The following SORCS3 variants were observed in gnomAD, a reference collection of about 807,000 sequenced individuals.
The protein encoded by SORCS3 is sortilin related VPS10 domain containing receptor 3.
A neutral mutation model predicts 146.3 loss-of-function variants in SORCS3; 57 were observed. The ratio of observed to expected loss-of-function variants is 0.39; its 90% CI spans 0.31 to 0.49. The LOEUF is 0.49. SORCS3 is among the 20% of genes least tolerant of loss of function. The pLI, the probability that SORCS3 is intolerant of heterozygous loss-of-function variation, is 0.92. For missense variants in SORCS3, 1,341 were observed against 1,575.5 expected (o/e 0.85, Z 2.52); for synonymous variants, 653 against 618.5 (o/e 1.06, Z -0.83).
chr10:105,020,369 T>C (rs2055191460), intron 4 of SORCS3, among the ~76,000 whole-genome samples: 1 of 152,200 alleles, frequency 6.6e-6, no homozygotes. Flanking sequence ...CAGGATGAAC[T>C]ACAAGCTTAT....
intron 3 of SORCS3, among the ~76,000 whole-genome samples, chr10:104,924,924 A>C (rs1490594842): frequency 1.3e-5 from 2 of 152,178 alleles, no homozygotes; most frequent in African/African-American, 2.4e-5. Context: ...ATTTACTTTA[A>C]GTTCTGGGAT....
intron 26 of SORCS3, among the ~76,000 whole-genome samples, chr10:105,262,786 A>G (rs2056969779): frequency 1.3e-5 from 2 of 152,188 alleles, no homozygotes; most frequent in Admixed American, 6.5e-5. Flanking sequence ...AAAGTATTAT[A>G]TGTCCTTACT....
intron 2 of SORCS3, among the ~76,000 whole-genome samples, chr10:104,900,001 T>A (rs2018834425): frequency 1.3e-5 from 2 of 152,076 alleles, no homozygotes; most frequent in Non-Finnish European, 2.9e-5. Context: ...AGAGCCTCCC[T>A]GGGGATTAAG....
intron 20 of SORCS3, among the ~76,000 whole-genome samples, chr10:105,243,598 ACC>A (rs1378204980): frequency 6.6e-6 from 1 of 152,170 alleles, no homozygotes; most frequent in East Asian, 1.9e-4. Flanking sequence ...GTGTGTCATC[ACC>A]CAGTCATAAG....
intron 1 of SORCS3, among the ~76,000 whole-genome samples, chr10:104,769,413 C>T (rs749844036): frequency 6.6e-5 from 10 of 152,118 alleles, no homozygotes; most frequent in Non-Finnish European, 1.2e-4. Context: ...AGGAGATATC[C>T]GGAGGACCAC....
intron 1 of SORCS3, among the ~76,000 whole-genome samples, chr10:104,818,742 A>G (rs2017836645): frequency 6.6e-6 from 1 of 152,010 alleles, no homozygotes; most frequent in Admixed American, 6.6e-5. Context: ...TTTTCTGATT[A>G]TTATCAACCT....
chr10:104,685,915 A>G (rs2016038281), intron 1 of SORCS3, among the ~76,000 whole-genome samples: 2 of 152,096 alleles, frequency 1.3e-5, no homozygotes, highest in Non-Finnish European at 2.9e-5. Context: ...TTTTGCTTCT[A>G]TTCTGGGCTT....
chr10:104,931,380 C>G (rs999261265), intron 3 of SORCS3, among the ~76,000 whole-genome samples: 2 of 152,134 alleles, frequency 1.3e-5, no homozygotes, highest in Non-Finnish European at 2.9e-5. Flanking sequence ...GTTCAGTAAA[C>G]CTAGGATTTC....
At chr10:104,977,521 C>T in intron 4 of SORCS3, 28 bp downstream of exon 4, 11 of 1,567,118 alleles carry the variant, frequency 7.0e-6, no homozygotes, top group Non-Finnish European at 9.5e-6. Flanking sequence ...TCATTTACTT[C>T]TTGTCATCCA....
At chr10:104,867,972 T>A (rs936762373) in intron 2 of SORCS3, among the ~76,000 whole-genome samples, 2 of 152,248 alleles carry the variant, frequency 1.3e-5, no homozygotes, top group African/African-American at 4.8e-5. Flanking sequence ...GTGGTATTCA[T>A]CTTGTTTTAC....
intron 2 of SORCS3, among the ~76,000 whole-genome samples, chr10:104,886,748 G>T (rs2018692810): frequency 6.6e-6 from 1 of 152,124 alleles, no homozygotes; most frequent in East Asian, 1.9e-4. Context: ...TTGAAAGAAG[G>T]TGGGGAAAAT....
intron 6 of SORCS3, among the ~76,000 whole-genome samples, chr10:105,100,331 G>A (rs963858513): frequency 6.6e-6 from 1 of 152,016 alleles, no homozygotes; most frequent in Non-Finnish European, 1.5e-5. Flanking sequence ...TTTTACATAG[G>A]GATATCCAAA....
At chr10:104,847,297 C>T (rs1487578684) in intron 2 of SORCS3, among the ~76,000 whole-genome samples, 1 of 152,124 alleles carries the variant, frequency 6.6e-6, no homozygotes, top group Non-Finnish European at 1.5e-5. Context: ...GAACATATGT[C>T]CTGGTGAGGA....
At chr10:105,114,916 G>A (rs2055883239) in intron 7 of SORCS3, among the ~76,000 whole-genome samples, 1 of 152,130 alleles carries the variant, frequency 6.6e-6, no homozygotes, top group African/African-American at 2.4e-5. Context: ...ACATGTTGCT[G>A]TTAGTTTTAA....
intron 1 of SORCS3, among the ~76,000 whole-genome samples, chr10:104,820,826 G>T (rs1413816776): frequency 6.6e-6 from 1 of 152,186 alleles, no homozygotes; most frequent in Non-Finnish European, 1.5e-5. Flanking sequence ...ATGTTAGGAT[G>T]CATCAACAGT....
At chr10:104,717,772 T>C (rs933924262) in intron 1 of SORCS3, among the ~76,000 whole-genome samples, 1 of 152,210 alleles carries the variant, frequency 6.6e-6, no homozygotes, top group Non-Finnish European at 1.5e-5. Flanking sequence ...TGAATTATGT[T>C]AATCATAAGT....
chr10:105,171,003 T>G (rs1052078720), intron 13 of SORCS3, among the ~76,000 whole-genome samples: 1 of 152,104 alleles, frequency 6.6e-6, no homozygotes, highest in African/African-American at 2.4e-5. Flanking sequence ...CCATTTTCTG[T>G]CATAGATCTC....
At chr10:105,007,259 A>T (rs1208508365) in intron 4 of SORCS3, among the ~76,000 whole-genome samples, 1 of 152,210 alleles carries the variant, frequency 6.6e-6, no homozygotes, top group African/African-American at 2.4e-5. Context: ...TGAGAGATAC[A>T]GAAAAATATG....
At chr10:104,850,047 A>G (rs971027079) in intron 2 of SORCS3, among the ~76,000 whole-genome samples, 3 of 152,222 alleles carry the variant, frequency 2.0e-5, no homozygotes, top group Non-Finnish European at 4.4e-5. Flanking sequence ...TTTCTTCAAC[A>G]CAGTGTTAAC....
Sources: allele counts gnomAD v4.1 joint callset (sites outside exome capture counted in the v4.1 genomes callset), GRCh38; gene constraint gnomAD v4.1.1; transcripts MANE v1.5; gene names NCBI Gene and HGNC (gene_info 2026-07-23, HGNC 2026-07-21).